ANKRD28: variants seen among roughly 807,000 people sequenced by gnomAD.
ANKRD28 encodes serine/threonine-protein phosphatase 6 regulatory ankyrin repeat subunit A.
In ANKRD28, 44 loss-of-function variants were observed where a neutral mutation model predicts 126.5. The ratio of observed to expected loss-of-function variants is 0.35; its 90% CI spans 0.27 to 0.45. The LOEUF (loss-of-function observed/expected upper bound fraction) is 0.45, where lower values mean the gene tolerates loss of function less well. ANKRD28 is among the 20% of genes least tolerant of loss of function. The pLI is 1.00. For synonymous variants in ANKRD28, 442 were observed against 468.5 expected, an observed-to-expected ratio of 0.94 and a Z score of 0.73; for missense variants, 1,110 against 1,316.6, an observed-to-expected ratio of 0.84 and a Z score of 2.43.
chr3:15,788,030 C>T (rs1353980158), intron 2 of ANKRD28, among the ~76,000 whole-genome samples: 3 of 152,148 alleles, frequency 2.0e-5, no homozygotes, highest in African/African-American at 2.4e-5. Context: ...CTTAAATCAG[C>T]TCTTTAGAGT....
At chr3:15,778,131 A>C (rs1290296009) in intron 2 of ANKRD28, among the ~76,000 whole-genome samples, 1 of 152,172 alleles carries the variant, frequency 6.6e-6, no homozygotes, top group Non-Finnish European at 1.5e-5. Flanking sequence ...AGGTGTCCAT[A>C]GCACTCTGAA....
At chr3:15,825,195 A>G (rs2061033342) in intron 1 of ANKRD28, among the ~76,000 whole-genome samples, 1 of 152,222 alleles carries the variant, frequency 6.6e-6, no homozygotes, top group South Asian at 2.1e-4. Context: ...CACGCATGCA[A>G]GATTAAATGA....
chr3:15,688,666 A>G (rs183848013), intron 18 of ANKRD28, among the ~76,000 whole-genome samples: 34 of 152,356 alleles, frequency 2.2e-4, no homozygotes, highest in Middle Eastern at 6.8e-3. Flanking sequence ...ACTAGAAAAA[A>G]AATCCAAGAC....
intron 1 of ANKRD28, among the ~76,000 whole-genome samples, chr3:15,819,348 C>G (rs1336819484): frequency 6.6e-6 from 1 of 152,082 alleles, no homozygotes; most frequent in African/African-American, 2.4e-5. Flanking sequence ...TGGAAGGCGA[C>G]AGAAGAGTCC....
intron 2 of ANKRD28, among the ~76,000 whole-genome samples, chr3:15,775,753 T>C (rs908202949): frequency 2.0e-5 from 3 of 152,156 alleles, no homozygotes; most frequent in Admixed American, 2.0e-4. Flanking sequence ...CCATTCCCTC[T>C]CTGGGTGCAC....
At chr3:15,795,052 C>T (rs190388316) in intron 2 of ANKRD28, among the ~76,000 whole-genome samples, 171 bp downstream of exon 2, 8 of 152,222 alleles carry the variant, frequency 5.3e-5, no homozygotes, top group African/African-American at 1.9e-4. Flanking sequence ...CTGGCTGCTA[C>T]TGCCCTGAGT....
rs147309956 is a variant in ANKRD28 at position 15,823,936 on chromosome 3, A to T, written c.28-28630T>A. Among the ~76,000 whole-genome samples the T allele has an allele frequency of 4.2e-3, 634 of 150,230 alleles. 6 individuals are homozygous for T. The highest frequency in any genetic ancestry group is 0.014 in the African/African-American group (589 of 41,042). On this transcript the variant is annotated intron_variant, in intron 1 of 27. Coordinates refer to the ANKRD28 transcript ENST00000399451. ...CATGATAAAGATCGTTTATTTAAAA[A>T]CCCACAGCTAATATCACAGTTAAGG...
Position 15,825,335 on chromosome 3 carries a change from G to A in ANKRD28, c.28-30029C>T, listed in dbSNP as rs574376088. ...TTTTCTGGATTCAATACTGTACAACGCTAATTTTTCAAATTAAATCCATAA... is the reference window on the plus strand; with the variant it reads ...TTTTCTGGATTCAATACTGTACAACACTAATTTTTCAAATTAAATCCATAA... On this transcript the variant is annotated intron_variant, in intron 1 of 27. Coordinates refer to the ANKRD28 transcript ENST00000399451. 9.9e-5 allele frequency among the ~76,000 whole-genome samples: 15 copies of A among 152,270 alleles called. No homozygotes were observed. In the South Asian group the frequency reaches 1.2e-3, roughly 13 times the overall value.
chr3:15,799,876 T>C (rs986821378), upstream of ANKRD28, among the ~76,000 whole-genome samples: 1 of 152,042 alleles, frequency 6.6e-6, no homozygotes, highest in African/African-American at 2.4e-5. Context: ...AATAATTTCA[T>C]TGAAATGAAT....
At chr3:15,747,324 G>C (rs1351558801) in intron 4 of ANKRD28, among the ~76,000 whole-genome samples, 2 of 151,932 alleles carry the variant, frequency 1.3e-5, no homozygotes, top group Admixed American at 6.6e-5. Context: ...TTTTGATATA[G>C]GCATTTAATG....
chr3:15,835,498 G>T (rs1434298852), intron 1 of ANKRD28, among the ~76,000 whole-genome samples: 1 of 152,188 alleles, frequency 6.6e-6, no homozygotes, highest in Non-Finnish European at 1.5e-5. Flanking sequence ...GCTTGTTGCT[G>T]CCATCTCTAA....
At chr3:15,774,697 A>C (rs1337842565) in intron 2 of ANKRD28, among the ~76,000 whole-genome samples, 1 of 152,198 alleles carries the variant, frequency 6.6e-6, no homozygotes, top group African/African-American at 2.4e-5. Context: ...CAAGGCATAA[A>C]AAATTAAGAC....
At chr3:15,799,627 A>G (rs2060417575), upstream of ANKRD28, among the ~76,000 whole-genome samples, 1 of 152,080 alleles carries the variant, frequency 6.6e-6, no homozygotes, top group Non-Finnish European at 1.5e-5. Context: ...ACAATATCCT[A>G]TATTTCATCT....
rs13096590 is a variant in ANKRD28 at position 15,853,595 on chromosome 3, G to A, written c.27+5782C>T. Among the ~76,000 whole-genome samples, 2 of 151,924 alleles carry A rather than the reference G, an allele frequency of 1.3e-5. No individual in the cohort carries two copies. Among genetic ancestry groups the A allele is most frequent in the East Asian group, 3.9e-4 (2 of 5,172 alleles). On this transcript the variant is annotated intron_variant, in intron 1 of 27. Coordinates refer to the ANKRD28 transcript ENST00000399451. This position sits in a 1 kb window ranked among gnomAD's most constrained non-coding sequence, Gnocchi z 4.2. ...TGCCATTCTCCTGCCTCAGCCTCTC[G>A]AGTAGCTGGGACTACAGGCGCCCGC...
intron 2 of ANKRD28, among the ~76,000 whole-genome samples, chr3:15,772,090 G>C (rs1039982652): frequency 6.6e-6 from 1 of 151,908 alleles, no homozygotes; most frequent in Non-Finnish European, 1.5e-5. Flanking sequence ...GCAATAGAGA[G>C]CAATTTATAT....
chr3:15,762,993 T>G (rs1373702964), intron 3 of ANKRD28, among the ~76,000 whole-genome samples: 1 of 152,228 alleles, frequency 6.6e-6, no homozygotes, highest in East Asian at 1.9e-4. Flanking sequence ...GCTTGTGACA[T>G]TCACACTATC....
rs929682982 is a variant in ANKRD28, at chr3:15,845,038, G to T, written c.27+14339C>A. Among the ~76,000 whole-genome samples the T allele has an allele frequency of 2.0e-5, 3 of 151,940 alleles. No homozygotes were observed. Among genetic ancestry groups the T allele is most frequent in the Non-Finnish European group, 4.4e-5 (3 of 67,992 alleles). ...AGCAGGAGCAAAATGGGGACACGGGGGTGCTAGGCACTTTTAAACAACCAG... is the reference window on the plus strand; with the variant it reads ...AGCAGGAGCAAAATGGGGACACGGGTGTGCTAGGCACTTTTAAACAACCAG... On this transcript the variant is annotated intron_variant, in intron 1 of 27. Coordinates refer to the ANKRD28 transcript ENST00000399451. This position sits in a 1 kb window ranked among gnomAD's most constrained non-coding sequence, Gnocchi z 4.9.
chr3:15,755,180 G>A (rs888756828), intron 3 of ANKRD28, among the ~76,000 whole-genome samples: 5 of 152,052 alleles, frequency 3.3e-5, no homozygotes, highest in African/African-American at 1.2e-4. Flanking sequence ...TTTCTTCTAA[G>A]AGCCTAATCA....
intron 2 of ANKRD28, among the ~76,000 whole-genome samples, chr3:15,789,354 T>C (rs2059921234): frequency 1.3e-5 from 2 of 151,970 alleles, no homozygotes; most frequent in African/African-American, 4.8e-5. Context: ...TGCTGGTGAA[T>C]TAGTTTAGAG....
Sources: allele counts gnomAD v4.1 joint callset (sites outside exome capture counted in the v4.1 genomes callset), GRCh38; gene constraint gnomAD v4.1.1; non-coding constraint Gnocchi (gnomAD v3.1); transcripts MANE v1.5; gene names NCBI Gene and HGNC (gene_info 2026-07-23, HGNC 2026-07-21).